The following SLC6A3 variants were observed in gnomAD, a reference collection of about 807,000 sequenced individuals.
SLC6A3 encodes solute carrier family 6 member 3.
Under a neutral mutation model 70.4 loss-of-function variants are expected in SLC6A3, and 19 were observed. The ratio of observed to expected loss-of-function variants is 0.27; its 90% CI spans 0.19 to 0.40. SLC6A3 has a LOEUF of 0.40. Ranked by LOEUF, SLC6A3 falls within the 10% of genes least tolerant of loss-of-function variation. SLC6A3 has a pLI of 1.00. For missense variants in SLC6A3, 613 were observed against 838.5 expected (o/e 0.73, Z 3.32); for synonymous variants, 368 against 356.6 (o/e 1.03, Z -0.36).
chr5:1,433,763 C>T (rs1424709884), intron 3 of SLC6A3, among the ~76,000 whole-genome samples: 3 of 152,088 alleles, frequency 2.0e-5, no homozygotes, highest in African/African-American at 7.2e-5. Context: ...CCACATCCAT[C>T]CACGGCCATC....
intron 6 of SLC6A3, among the ~76,000 whole-genome samples, chr5:1,416,867 C>T (rs1325149367): frequency 2.0e-5 from 3 of 152,114 alleles, no homozygotes; most frequent in African/African-American, 2.4e-5. Context: ...CATGACATGA[C>T]CGCAGCGTCC....
In SLC6A3 at chr5:1,439,420, C is replaced by A. The variant is rs562805022; in HGVS notation, c.418+1939G>T. ...GAGCCCAGGAAGAAATTACTGAAGT[C>A]ATAAGATTCACTAAGCAGCCCATTA... is the stretch of plus-strand genomic sequence containing the variant. On this transcript the variant is annotated intron_variant, in intron 3 of 14. Transcript: ENST00000270349. Among the ~76,000 whole-genome samples the A allele has an allele frequency of 5.3e-5, 8 of 152,292 alleles. No individual in the cohort carries two copies. The South Asian group carries it at 1.5e-3, about 28-fold the overall frequency.
intron 3 of SLC6A3, among the ~76,000 whole-genome samples, chr5:1,434,314 C>T (rs1255250154): frequency 1.3e-5 from 2 of 152,212 alleles, no homozygotes; most frequent in South Asian, 2.1e-4. Flanking sequence ...TTTGACCTTC[C>T]GAGGCCTTCC....
Position 1,405,988 on chromosome 5 carries a change from G to A in SLC6A3, c.1599+200C>T, listed in dbSNP as rs990375164. Reference sequence around the variant, plus strand: ...AAGACCATGTGAGGTTTTTTCGGTGGGTCTAGAGGGGAGGGTGGAAGCCAC... The same window carrying A: ...AAGACCATGTGAGGTTTTTTCGGTGAGTCTAGAGGGGAGGGTGGAAGCCAC... On this transcript the variant is annotated intron_variant, in intron 12 of 14. Transcript: ENST00000270349. This position sits in a 1 kb window ranked among gnomAD's most constrained non-coding sequence, Gnocchi z 5.3. Among the ~76,000 whole-genome samples the A allele has an allele frequency of 6.6e-5, 10 of 152,184 alleles. No individual in the cohort carries two copies. The highest frequency in any genetic ancestry group is 1.5e-4 in the Non-Finnish European group (10 of 68,032).
chr5:1,434,333 G>T (rs1348665797), intron 3 of SLC6A3, among the ~76,000 whole-genome samples: 2 of 152,176 alleles, frequency 1.3e-5, no homozygotes, highest in Non-Finnish European at 2.9e-5. Context: ...CCAGGGCCAT[G>T]CAAGACCATC....
At position 1,408,137 on chromosome 5, in the gene SLC6A3, G is replaced by C. The variant is rs935468808; in HGVS notation, c.1498+889C>G. ...ATTCCATCGTAAGTATACCATCAGT[G>C]TCTTCAGAAAATCTACAGCCTCCTG... On this transcript the variant is annotated intron_variant, in intron 11 of 14. Transcript: ENST00000270349. This position sits in a 1 kb window ranked among gnomAD's most constrained non-coding sequence, Gnocchi z 6.4. Among the ~76,000 whole-genome samples the C allele has an allele frequency of 4.0e-5, 6 of 151,196 alleles. No homozygotes were observed. Among genetic ancestry groups the C allele is most frequent in the Non-Finnish European group, 8.8e-5 (6 of 67,934 alleles).
Position 1,403,058 on chromosome 5 carries a change from C to T in SLC6A3, c.1631G>A (p.Arg544Lys), listed in dbSNP as rs1011340931. ...FVVVVSIVTF[R>K]PPHYGAYIFP... ...GATGTAGGCTCCGTAGTGGGGGGGT[C>T]TGAAGGTCACAATGCTGACCACGAC... The change falls in exon 13 of 15, where the codon AGA (arginine) becomes AAA (lysine). Residue 544 changes from arginine (R) to lysine (K), a missense_variant. Transcript: ENST00000270349. 1 of 1,613,710 alleles carries T rather than the reference C, an allele frequency of 6.2e-7. No individual in the cohort carries two copies. Among genetic ancestry groups the T allele is most frequent in the African/African-American group, 1.3e-5 (1 of 74,912 alleles).
chr5:1,409,643 C>G lies in SLC6A3; in HGVS notation c.1398+78G>C, dbSNP rs771810447. ...AGTGCTGCGGTTCTGTCTGGCCTGA[C>G]AGTCCCAGCCAGGGCGCCCCGTGCC... On this transcript the variant is annotated intron_variant, in intron 10 of 14. Transcript: ENST00000270349. The G allele has an allele frequency of 2.1e-5, 32 of 1,558,642 alleles. No homozygotes were observed. The Middle Eastern group carries it at 8.4e-4, about 41-fold the overall frequency.
rs1356214371 is a variant in SLC6A3 at position 1,402,534 on chromosome 5, G to A, written c.1767+388C>T. Among the ~76,000 whole-genome samples, 22 of 152,024 alleles carry A rather than the reference G, an allele frequency of 1.4e-4. 1 individual carries two copies. Among genetic ancestry groups the A allele is most frequent in the Admixed American group, 1.4e-3 (22 of 15,262 alleles). On this transcript the variant is annotated intron_variant, in intron 13 of 14. Transcript: ENST00000270349. This position sits in a 1 kb window ranked among gnomAD's most constrained non-coding sequence, Gnocchi z 8.5. ...TAGTGTGTAGGCATGCATGCACTCAGTACACACAAACACTTGGACACGAAT... is the reference window on the plus strand; with the variant it reads ...TAGTGTGTAGGCATGCATGCACTCAATACACACAAACACTTGGACACGAAT...
chr5:1,419,954 C>T (rs1241970734), intron 6 of SLC6A3, among the ~76,000 whole-genome samples: 1 of 152,226 alleles, frequency 6.6e-6, no homozygotes, highest in African/African-American at 2.4e-5. Flanking sequence ...TGGGTTTACA[C>T]TTGCCTCATG....
intron 7 of SLC6A3, among the ~76,000 whole-genome samples, chr5:1,415,201 T>C (rs1165142844): frequency 6.6e-6 from 1 of 152,030 alleles, no homozygotes; most frequent in Admixed American, 6.5e-5. Flanking sequence ...TCGGGGGCTG[T>C]GTTTCCCATG....
chr5:1,424,751 A>C lies in SLC6A3; in HGVS notation c.654-2737T>G, dbSNP rs79558024. On this transcript the variant is annotated intron_variant, in intron 4 of 14. Transcript: ENST00000270349. The stretch of plus-strand genomic sequence containing the variant: ...CTGGCTCAGCATTAAACATGAAAGC[A>C]ACTTCAGACGCAGCACCTTGACACA... 9.2e-5 allele frequency among the ~76,000 whole-genome samples: 14 copies of C among 152,346 alleles called. No individual in the cohort carries two copies. In the East Asian group the frequency reaches 2.7e-3, roughly 29 times the overall value.
In SLC6A3 at chr5:1,432,709, G is replaced by T; in HGVS notation, c.419-11C>A. ...CCGTGAAGCCCACACCTAGCGGGAA[G>T]GGGGAGGCCATGGAGCCCACGCAGG... On this transcript the variant is annotated splice_polypyrimidine_tract_variant and intron_variant, in intron 3 of 14. Transcript: ENST00000270349. The T allele has an allele frequency of 1.2e-6, 2 of 1,606,782 alleles. No individual in the cohort carries two copies. The highest frequency in any genetic ancestry group is 1.7e-6 in the Non-Finnish European group (2 of 1,173,652).
intron 6 of SLC6A3, chr5:1,416,435 C>T: frequency 1.0e-5 from 6 of 599,420 alleles, no homozygotes; most frequent in Non-Finnish European, 1.8e-5. Flanking sequence ...GTTCATTGAT[C>T]TGGGATTCCC....
chr5:1,444,017 T>C (rs1442511822), intron 1 of SLC6A3, among the ~76,000 whole-genome samples: 4 of 152,140 alleles, frequency 2.6e-5, no homozygotes, highest in Non-Finnish European at 5.9e-5. Flanking sequence ...TTATACTCAG[T>C]AATAAAGAGC....
rs1039820329 is a variant in SLC6A3, at chr5:1,406,061, C to T, written c.1599+127G>A. The T allele has an allele frequency of 9.4e-6, 7 of 742,288 alleles. No homozygotes were observed. Among genetic ancestry groups the T allele is most frequent in the Non-Finnish European group, 1.7e-5 (7 of 406,344 alleles). The allele number at this position is 742,288 out of a possible 1,614,324, so 46.0% of individuals were successfully genotyped here. ...TCAGGGATCAGCCTGTCCTTCTGGG[C>T]CGAGTCTTGAGGCCCCTGACTCCAG... On this transcript the variant is annotated intron_variant, in intron 12 of 14. Transcript: ENST00000270349. The surrounding 1 kb of genome is among the most constrained non-coding windows in gnomAD (Gnocchi z 8.8).
At chr5:1,434,386 C>T (rs1266562292) in intron 3 of SLC6A3, among the ~76,000 whole-genome samples, 22 of 152,252 alleles carry the variant, frequency 1.4e-4, no homozygotes, top group African/African-American at 2.4e-5. Flanking sequence ...ATGCCATCCA[C>T]GGTCTTTTAG....
intron 4 of SLC6A3, among the ~76,000 whole-genome samples, chr5:1,423,292 ACCCACCGCTGCCCAGTGCTGCCCATG>A (rs1344232128): frequency 0.023 from 1,947 of 83,392 alleles, 205 homozygotes; most frequent in Middle Eastern, 0.036. Context: ...GGTGCTGGGT[ACCCACCGCTGCCCAGTGCTGCCCATG>A]GTGCTGGGTA....
At chr5:1,407,217 C>A (rs1419159968) in intron 11 of SLC6A3, among the ~76,000 whole-genome samples, 1 of 152,212 alleles carries the variant, frequency 6.6e-6, no homozygotes, top group Non-Finnish European at 1.5e-5. Flanking sequence ...GTGACCGCGG[C>A]TGATCTGCTG....
Sources: allele counts gnomAD v4.1 joint callset (sites outside exome capture counted in the v4.1 genomes callset), GRCh38; gene constraint gnomAD v4.1.1; non-coding constraint Gnocchi (gnomAD v3.1); transcripts MANE v1.5; gene names NCBI Gene and HGNC (gene_info 2026-07-23, HGNC 2026-07-21).